ATG7: variants seen among roughly 807,000 people sequenced by gnomAD.
ATG7 encodes the protein autophagy related 7.
Under a neutral mutation model 82.4 loss-of-function variants are expected in ATG7, and 70 were observed. The ratio of observed to expected loss-of-function variants is 0.85; its 90% CI spans 0.70 to 1.04. The LOEUF (loss-of-function observed/expected upper bound fraction) is 1.04, where lower values mean the gene tolerates loss of function less well. ATG7 is among the 50% of genes least tolerant of loss of function. ATG7 has a pLI of 0.00. For synonymous variants in ATG7, 287 were observed against 313.0 expected (o/e 0.92, Z 0.88); for missense variants, 792 against 864.3 (o/e 0.92, Z 1.05).
In ATG7 at chr3:11,329,007, T is replaced by C. The variant is rs529606780; in HGVS notation, c.679-2333T>C. 1.9e-4 allele frequency among the ~76,000 whole-genome samples: 29 copies of C among 152,290 alleles called. No individual in the cohort carries two copies. In the South Asian group the frequency reaches 5.0e-3, roughly 26 times the overall value. ...AACTAGAGAGGCTGAGGCACTAGAATTGCTTGAATCCTATGAGGTGGAGGT... is the reference window on the plus strand; with the variant it reads ...AACTAGAGAGGCTGAGGCACTAGAACTGCTTGAATCCTATGAGGTGGAGGT... On this transcript the variant is annotated intron_variant, in intron 9 of 20. Transcript: ENST00000693202.
intron 20 of ATG7, among the ~76,000 whole-genome samples, chr3:11,447,679 T>C (rs2084706855): frequency 6.6e-6 from 1 of 152,162 alleles, no homozygotes; most frequent in Admixed American, 6.5e-5. Flanking sequence ...CAAAATCTCA[T>C]TCTTACATTA....
chr3:11,367,322 G>T (rs2076693524), intron 18 of ATG7, among the ~76,000 whole-genome samples: 1 of 152,048 alleles, frequency 6.6e-6, no homozygotes, highest in South Asian at 2.1e-4. Flanking sequence ...GAGGAACTTG[G>T]TAAACTCCTT....
chr3:11,445,704 C>T (rs1218509968), intron 20 of ATG7, among the ~76,000 whole-genome samples: 5 of 152,132 alleles, frequency 3.3e-5, no homozygotes, highest in Non-Finnish European at 1.5e-5. Flanking sequence ...AAATATGCAT[C>T]TTCAATTTTA....
At chr3:11,403,608 T>A (rs748460841) in intron 19 of ATG7, among the ~76,000 whole-genome samples, 5 of 152,230 alleles carry the variant, frequency 3.3e-5, no homozygotes, top group Non-Finnish European at 7.3e-5. Context: ...AAATCTTCCT[T>A]TAAATGTTAT....
chr3:11,559,369 G>C, downstream of ATG7: 1 of 1,552,404 alleles, frequency 6.4e-7, no homozygotes, highest in South Asian at 1.2e-5. Context: ...GCCCGGGCGC[G>C]GCACAGCCGC....
At chr3:11,300,146 T>C (rs1231798172) in intron 5 of ATG7, among the ~76,000 whole-genome samples, 1 of 152,146 alleles carries the variant, frequency 6.6e-6, no homozygotes, top group Non-Finnish European at 1.5e-5. Flanking sequence ...AGGCAGATCT[T>C]GAACTCCTGA....
At chr3:11,511,565 G>A (rs1021372881) in intron 20 of ATG7, among the ~76,000 whole-genome samples, 1 of 152,212 alleles carries the variant, frequency 6.6e-6, no homozygotes, top group East Asian at 1.9e-4. Context: ...GCTGCAGGTG[G>A]AGCTGCCTGC....
intron 20 of ATG7, among the ~76,000 whole-genome samples, chr3:11,499,734 C>T (rs1331503361): frequency 2.1e-5 from 3 of 143,898 alleles, no homozygotes; most frequent in Non-Finnish European, 3.0e-5. Flanking sequence ...ACAACAAGAG[C>T]GAAACTCCAT....
intron 3 of ATG7, among the ~76,000 whole-genome samples, chr3:11,289,024 T>G (rs1944536261): frequency 6.6e-6 from 1 of 152,236 alleles, no homozygotes; most frequent in Non-Finnish European, 1.5e-5. Flanking sequence ...CCATCTTGTG[T>G]AACTCAGGAT....
rs762746921 is a variant in ATG7 at position 11,507,725 on chromosome 3, G to A, written c.2080-47086G>A. On this transcript the variant is annotated intron_variant, in intron 20 of 20. Coordinates refer to ENST00000693202, the MANE Select transcript of ATG7 (RefSeq NM_001349232.2). ...TCCTTGAGGGTCTGAGGACCCCAGGGTTAAGAAGCCCTGCTGGGAATTATT... is the reference window on the plus strand; with the variant it reads ...TCCTTGAGGGTCTGAGGACCCCAGGATTAAGAAGCCCTGCTGGGAATTATT... Among the ~76,000 whole-genome samples the A allele has an allele frequency of 5.3e-5, 8 of 152,240 alleles. No individual in the cohort carries two copies. In the South Asian group the frequency reaches 1.0e-3, roughly 20 times the overall value.
At chr3:11,438,659 A>G (rs2083586064) in intron 20 of ATG7, among the ~76,000 whole-genome samples, 1 of 152,208 alleles carries the variant, frequency 6.6e-6, no homozygotes, top group Non-Finnish European at 1.5e-5. Flanking sequence ...TGACCTGGCC[A>G]GAAGCTCTGA....
intron 3 of ATG7, among the ~76,000 whole-genome samples, chr3:11,294,776 C>G (rs1248843604): frequency 6.6e-6 from 1 of 152,160 alleles, no homozygotes. Flanking sequence ...ATCTTCTTTC[C>G]TCCACAGGAA....
chr3:11,549,216 T>C (rs1009924954), intron 20 of ATG7, among the ~76,000 whole-genome samples: 6 of 152,228 alleles, frequency 3.9e-5, no homozygotes, highest in Non-Finnish European at 7.3e-5. Context: ...AAATGAAATA[T>C]GAAGTATGAT....
In ATG7 at chr3:11,422,769, T is replaced by TTTTTTTTG. The variant is rs1386943052; in HGVS notation, c.1957-4035_1957-4034insTTTTTTTG. 2.2e-4 allele frequency among the ~76,000 whole-genome samples: 23 copies of TTTTTTTTG among 102,696 alleles called. 6 individuals are homozygous for TTTTTTTTG. Among genetic ancestry groups the TTTTTTTTG allele is most frequent in the African/African-American group, 9.1e-4 (23 of 25,270 alleles). 67.4% of individuals were successfully genotyped at this position (102,696 alleles called of 152,430 possible). ...TTTTTTTTTTTTTTTTTTTTTTTTT[T>TTTTTTTTG]GGAGACAGAGTCTCACTCCGTTGCC... On this transcript the variant is annotated intron_variant, in intron 19 of 20. Transcript: ENST00000693202.
intron 11 of ATG7, among the ~76,000 whole-genome samples, chr3:11,334,660 T>A (rs536336654): frequency 9.2e-4 from 139 of 151,016 alleles, no homozygotes; most frequent in African/African-American, 3.1e-3. Context: ...GGAGGTGGTG[T>A]CAAAATCTCT....
intron 20 of ATG7, among the ~76,000 whole-genome samples, chr3:11,532,978 G>A (rs1426511628): frequency 6.6e-6 from 1 of 152,220 alleles, no homozygotes; most frequent in Non-Finnish European, 1.5e-5. Flanking sequence ...CGTGCCCCAG[G>A]ATGCTAGCTA....
intron 20 of ATG7, among the ~76,000 whole-genome samples, chr3:11,478,633 G>A (rs896038511): frequency 3.9e-5 from 6 of 152,018 alleles, no homozygotes; most frequent in Non-Finnish European, 8.8e-5. Context: ...AAGTGCAAAG[G>A]CAAAACAGTC....
At position 11,354,079 on chromosome 3, in the gene ATG7, G is replaced by A. The variant is rs78314392; in HGVS notation, c.1285-4339G>A. On this transcript the variant is annotated intron_variant, in intron 14 of 20. Transcript: ENST00000693202. The stretch of plus-strand genomic sequence containing the variant: ...AAAATATATGTATCCCAGACTAACC[G>A]TATTCTGGCCCCAGACCTTCCAGTA... 2.0e-3 allele frequency among the ~76,000 whole-genome samples: 310 copies of A among 152,234 alleles called. 1 individual carries two copies. The highest frequency in any genetic ancestry group is 8.5e-3 in the East Asian group (44 of 5,174).
chr3:11,439,069 C>CTTTTTTTTTTTTTTTTTTTTTTTTTTTT (rs67206280), intron 20 of ATG7, among the ~76,000 whole-genome samples: 1 of 121,976 alleles, frequency 8.2e-6, no homozygotes, highest in African/African-American at 3.1e-5. Flanking sequence ...TTCTTTCTTT[C>CTTTTTTTTTTTTTTTTTTTTTTTTTTTT]TTTTTTTTTT....
Sources: allele counts gnomAD v4.1 joint callset (sites outside exome capture counted in the v4.1 genomes callset), GRCh38; gene constraint gnomAD v4.1.1; transcripts MANE v1.5; gene names NCBI Gene and HGNC (gene_info 2026-07-23, HGNC 2026-07-21).